BNC2: variants seen among roughly 807,000 people sequenced by gnomAD.
BNC2 encodes the protein zinc finger protein basonuclin-2.
BNC2 carries 20 observed loss-of-function variants against 76.3 expected under a neutral mutation model. That is an observed-to-expected ratio of 0.26 (90% CI 0.18 to 0.38). The LOEUF (loss-of-function observed/expected upper bound fraction) is 0.38. BNC2 is among the 10% of genes least tolerant of loss of function. The pLI, the probability that BNC2 is intolerant of heterozygous loss-of-function variation, is 1.00. For synonymous variants in BNC2, 582 were observed against 514.8 expected, an observed-to-expected ratio of 1.13 and a Z score of -1.77; for missense variants, 1,382 against 1,399.8, an observed-to-expected ratio of 0.99 and a Z score of 0.20.
At chr9:16,730,780 A>T (rs1824483309) in intron 2 of BNC2, among the ~76,000 whole-genome samples, 1 of 152,208 alleles carries the variant, frequency 6.6e-6, no homozygotes, top group Non-Finnish European at 1.5e-5. Flanking sequence ...TCTAAGTTTT[A>T]AAAAATATTT....
At chr9:16,605,302 C>T (rs1030354940) in intron 3 of BNC2, among the ~76,000 whole-genome samples, 8 of 152,204 alleles carry the variant, frequency 5.3e-5, no homozygotes, top group African/African-American at 1.2e-4. Flanking sequence ...ACGCTTCTTA[C>T]GCACTTACTA....
chr9:16,625,658 GA>G (rs1201735410), intron 3 of BNC2: 1 of 152,148 alleles, frequency 6.6e-6, no homozygotes, highest in East Asian at 1.9e-4. Context: ...AAGAGATTCT[GA>G]GGCATCACTA....
chr9:16,583,228 A>G (rs1260666911), intron 3 of BNC2, 143 bp from the exon 4 acceptor site: 4 of 695,926 alleles, frequency 5.7e-6, no homozygotes, highest in East Asian at 2.7e-5. Context: ...ATAAATTTAG[A>G]TATCACCAAA....
chr9:16,719,160 C>A (rs1271148701), intron 3 of BNC2, among the ~76,000 whole-genome samples: 1 of 152,258 alleles, frequency 6.6e-6, no homozygotes, highest in East Asian at 1.9e-4. Context: ...CATGAATATG[C>A]TCAGTGTATA....
intron 3 of BNC2, among the ~76,000 whole-genome samples, chr9:16,658,710 A>G (rs892337395): frequency 6.6e-6 from 1 of 152,188 alleles, no homozygotes; most frequent in Non-Finnish European, 1.5e-5. Context: ...TCTCTTAAGG[A>G]AAGACTGTAC....
At chr9:16,744,268 C>T (rs1824937276) in intron 1 of BNC2, among the ~76,000 whole-genome samples, 2 of 152,224 alleles carry the variant, frequency 1.3e-5, no homozygotes, top group East Asian at 1.9e-4. Flanking sequence ...CACGCCTGGC[C>T]TAGACTGCAG....
intron 3 of BNC2, among the ~76,000 whole-genome samples, chr9:16,670,651 A>C (rs1822449607): frequency 6.6e-6 from 1 of 152,262 alleles, no homozygotes; most frequent in African/African-American, 2.4e-5. Flanking sequence ...CTAATGGTGA[A>C]TGACCAATGT....
intron 1 of BNC2, among the ~76,000 whole-genome samples, chr9:16,759,948 T>A (rs548057277): frequency 2.0e-5 from 3 of 152,048 alleles, no homozygotes; most frequent in African/African-American, 7.2e-5. Flanking sequence ...CGGTCTGGAT[T>A]TCCTGACCTC....
At chr9:16,847,934 T>C (rs1586932720) in intron 1 of BNC2, among the ~76,000 whole-genome samples, 1 of 152,174 alleles carries the variant, frequency 6.6e-6, no homozygotes, top group African/African-American at 2.4e-5. Context: ...AAACAAATCC[T>C]GTAAGAAACC....
chr9:16,496,271 T>C (rs1005758325), intron 5 of BNC2, among the ~76,000 whole-genome samples: 1 of 152,184 alleles, frequency 6.6e-6, no homozygotes, highest in Non-Finnish European at 1.5e-5. Flanking sequence ...ACCATAATGA[T>C]ACCAGAACCC....
intron 6 of BNC2, among the ~76,000 whole-genome samples, chr9:16,432,892 A>G (rs983533941): frequency 6.6e-6 from 1 of 152,258 alleles, no homozygotes; most frequent in Non-Finnish European, 1.5e-5. Flanking sequence ...CGTGACTAAC[A>G]AAGTAAAAGT....
intron 5 of BNC2, among the ~76,000 whole-genome samples, chr9:16,547,367 T>C (rs1818517674): frequency 6.6e-6 from 1 of 152,198 alleles, no homozygotes; most frequent in Non-Finnish European, 1.5e-5. Context: ...CTAAGGGCCT[T>C]TTGACAAACT....
At chr9:16,714,312 ATTC>A (rs1823937556) in intron 3 of BNC2, among the ~76,000 whole-genome samples, 1 of 152,232 alleles carries the variant, frequency 6.6e-6, no homozygotes, top group African/African-American at 2.4e-5. Flanking sequence ...AAAGGGGTAT[ATTC>A]TTTTATCCTC....
At chr9:16,690,252 G>C (rs1254416874) in intron 3 of BNC2, among the ~76,000 whole-genome samples, 1 of 152,132 alleles carries the variant, frequency 6.6e-6, no homozygotes, top group Non-Finnish European at 1.5e-5. Context: ...CTAGCACTTA[G>C]GGAGGTCAAG....
At chr9:16,471,527 C>CAA (rs1366709312) in intron 5 of BNC2, among the ~76,000 whole-genome samples, 1 of 152,098 alleles carries the variant, frequency 6.6e-6, no homozygotes, top group Non-Finnish European at 1.5e-5. Flanking sequence ...CTCCTGACCT[C>CAA]GTGATCCGCC....
chr9:16,830,613 C>A (rs1253391024), intron 1 of BNC2, among the ~76,000 whole-genome samples: 1 of 152,120 alleles, frequency 6.6e-6, no homozygotes, highest in Non-Finnish European at 1.5e-5. Flanking sequence ...ATACAGAAGG[C>A]CAACTGTATT....
At chr9:16,608,385 T>C (rs918859349) in intron 3 of BNC2, among the ~76,000 whole-genome samples, 3 of 152,158 alleles carry the variant, frequency 2.0e-5, no homozygotes, top group Admixed American at 6.5e-5. Flanking sequence ...GAGCTTCTTT[T>C]TTCTTTCTTC....
rs545491879 is a variant in BNC2 at position 16,438,915 on chromosome 9, C to T, written c.670-1391G>A. The stretch of plus-strand genomic sequence containing the variant: ...ATGATATGGTTTGGCTGTGTCCCCA[C>T]CCAAATCTCATCTTGAATTGTAGCT... On this transcript the variant is annotated intron_variant, in intron 5 of 6. Transcript: ENST00000380672. Among the ~76,000 whole-genome samples, 35 of 152,176 alleles carry T rather than the reference C, an allele frequency of 2.3e-4. No individual in the cohort carries two copies. In the South Asian group the frequency reaches 2.5e-3, roughly 11 times the overall value.
chr9:16,494,126 A>G (rs1822335931), intron 5 of BNC2, among the ~76,000 whole-genome samples: 1 of 152,190 alleles, frequency 6.6e-6, no homozygotes, highest in Non-Finnish European at 1.5e-5. Context: ...CACACTAAAT[A>G]AAATACGAAA....
Sources: allele counts gnomAD v4.1 joint callset (sites outside exome capture counted in the v4.1 genomes callset), GRCh38; gene constraint gnomAD v4.1.1; transcripts MANE v1.5; gene names NCBI Gene and HGNC (gene_info 2026-07-23, HGNC 2026-07-21).